Variants in ELP4 observed in about 807,000 individuals in gnomAD.
The protein encoded by ELP4 is elongator acetyltransferase complex subunit 4.
A neutral mutation model predicts 48.9 loss-of-function variants in ELP4; 51 were observed. The observed-to-expected ratio is 1.04, with a 90% CI of 0.83 to 1.32. ELP4 has a LOEUF of 1.32. Ranked by LOEUF, ELP4 falls within the 40% of genes most tolerant of loss-of-function variation. The pLI is 0.00. For synonymous variants in ELP4, 210 were observed against 189.2 expected, an observed-to-expected ratio of 1.11 and a Z score of -0.90; for missense variants, 519 against 514.6, an observed-to-expected ratio of 1.01 and a Z score of -0.08.
At chr11:31,556,620 A>G (rs1364980962) in intron 3 of ELP4, among the ~76,000 whole-genome samples, 2 of 151,902 alleles carry the variant, frequency 1.3e-5, no homozygotes, top group African/African-American at 2.4e-5. Context: ...TGCCAAAGTC[A>G]GTTTTAAAAC....
intron 9 of ELP4, among the ~76,000 whole-genome samples, chr11:31,765,617 A>G (rs561555741): frequency 6.6e-6 from 1 of 152,258 alleles, no homozygotes; most frequent in South Asian, 2.1e-4. Context: ...TAAAATTACA[A>G]CGAAAGAATT....
At chr11:31,573,492 G>A (rs1267584353) in intron 3 of ELP4, 1 of 152,104 alleles carries the variant, frequency 6.6e-6, no homozygotes, top group East Asian at 1.9e-4. Flanking sequence ...CAAGATCAAG[G>A]TTTCAACCAA....
chr11:31,529,997 C>T (rs981939948), intron 2 of ELP4, among the ~76,000 whole-genome samples: 1 of 152,194 alleles, frequency 6.6e-6, no homozygotes, highest in Non-Finnish European at 1.5e-5. Flanking sequence ...CAGGCAATTA[C>T]AGAAACTGAT....
rs71060493 is a variant in ELP4, at chr11:31,553,764, A to ACC, written c.381+13983_381+13984dup. ...CACACACACACACACACACACACAC[A>ACC]CCCTATTGGTTCAGTTTCTCTAGAG... On this transcript the variant is annotated intron_variant, in intron 3 of 9. Transcript: ENST00000640961. Among the ~76,000 whole-genome samples the ACC allele has an allele frequency of 1.5e-3, 207 of 142,046 alleles. 2 individuals are homozygous for ACC. Among genetic ancestry groups the ACC allele is most frequent in the African/African-American group, 4.9e-3 (191 of 38,944 alleles). The allele number at this position is 142,046 out of a possible 152,430, so 93.2% of individuals were successfully genotyped here. A position where few individuals can be genotyped will look rare whatever the true frequency, so the allele number is the denominator to read the frequency against.
In ELP4 at chr11:31,786,337, A is replaced by C. The variant is rs1347471824; in HGVS notation, c.*2813A>C. On this transcript the variant is annotated 3_prime_UTR_variant, in exon 10 of 10. Coordinates refer to ENST00000640961, the MANE Select transcript of ELP4 (RefSeq NM_019040.5). ...GACAGCATGTTACTGCTTTCCAAAG[A>C]TAGTCACCGTCAACATTATTGAAAT... is the stretch of plus-strand genomic sequence containing the variant. 1 of 210,660 alleles carries C rather than the reference A, an allele frequency of 4.7e-6. No individual in the cohort carries two copies. Among genetic ancestry groups the C allele is most frequent in the African/African-American group, 2.3e-5 (1 of 44,146 alleles). The allele number at this position is 210,660 out of a possible 1,614,324, so 13.0% of individuals were successfully genotyped here. A position where few individuals can be genotyped will look rare whatever the true frequency, so the allele number is the denominator to read the frequency against.
At position 31,509,904 on chromosome 11, in the gene ELP4, C is replaced by T. The variant is rs754697339; in HGVS notation, c.120C>T (p.Asn40=). 1.2e-6 allele frequency: 2 copies of T among 1,614,094 alleles called. No individual in the cohort carries two copies. The highest frequency in any genetic ancestry group is 2.7e-5 in the African/African-American group (2 of 75,064). The change falls in exon 1 of 10, where the codon AAC becomes AAT. Residue 40 remains asparagine (N), a synonymous_variant. Coordinates refer to ENST00000640961, the MANE Select transcript of ELP4 (RefSeq NM_019040.5). ...QRRGPRASVT[N]DSGPRLVSIA... Reference sequence around the variant, plus strand: ...GGGGTCCTAGAGCCAGCGTGACCAACGACAGCGGCCCTCGACTGGTGTCCA... The same window carrying T: ...GGGGTCCTAGAGCCAGCGTGACCAATGACAGCGGCCCTCGACTGGTGTCCA...
At chr11:31,746,154 C>T (rs1490296741) in intron 9 of ELP4, among the ~76,000 whole-genome samples, 6 of 152,152 alleles carry the variant, frequency 3.9e-5, no homozygotes, top group Non-Finnish European at 8.8e-5. Context: ...TCATCACTGG[C>T]CATCAGAGAA....
chr11:31,752,859 G>A (rs910293553), intron 9 of ELP4, among the ~76,000 whole-genome samples: 4 of 150,460 alleles, frequency 2.7e-5, no homozygotes, highest in Admixed American at 2.7e-4. Context: ...AAAAGAACTG[G>A]AAAGAACAAT....
intron 3 of ELP4, among the ~76,000 whole-genome samples, chr11:31,584,002 A>G (rs1405694222): frequency 6.6e-6 from 1 of 152,162 alleles, no homozygotes; most frequent in Non-Finnish European, 1.5e-5. Context: ...CTTCCAGACC[A>G]ATGGTTTCAT....
chr11:31,547,128 C>A (rs1425869335), intron 3 of ELP4, among the ~76,000 whole-genome samples: 1 of 152,096 alleles, frequency 6.6e-6, no homozygotes, highest in Non-Finnish European at 1.5e-5. Flanking sequence ...CAAGAAATAA[C>A]TAAAATCAGA....
chr11:31,671,751 C>A (rs1361885485), intron 9 of ELP4, among the ~76,000 whole-genome samples: 1 of 152,068 alleles, frequency 6.6e-6, no homozygotes, highest in African/African-American at 2.4e-5. Flanking sequence ...CATTGAGCTC[C>A]CTGGTGAGTA....
Position 31,603,884 on chromosome 11 carries a change from T to G in ELP4, c.630T>G (p.Ser210=). ...GATTTTTTCTTCCAGAGAAAATATCTTCAACTCTCAAAGTAGAACCCTGGT... is the reference window on the plus strand; with the variant it reads ...GATTTTTTCTTCCAGAGAAAATATCGTCAACTCTCAAAGTAGAACCCTGGT... ...WHGFFLPEKI[S]STLKVEPCSL... is the part of the protein sequence containing the mutation. The change falls in exon 5 of 10, where the codon TCT becomes TCG. Residue 210 remains serine, a synonymous_variant. Transcript: ENST00000640961. 1.2e-6 allele frequency: 2 copies of G among 1,611,730 alleles called. No homozygotes were observed. The highest frequency in any genetic ancestry group is 1.7e-5 in the Admixed American group (1 of 59,928).
At chr11:31,648,969 T>G (rs1945263990) in intron 8 of ELP4, 2 of 151,676 alleles carry the variant, frequency 1.3e-5, no homozygotes, top group South Asian at 4.1e-4. Context: ...AACGTACAAA[T>G]AAAAGTATGG....
At chr11:31,574,588 C>T (rs1173972974) in intron 3 of ELP4, among the ~76,000 whole-genome samples, 1 of 152,162 alleles carries the variant, frequency 6.6e-6, no homozygotes, top group Non-Finnish European at 1.5e-5. Flanking sequence ...GACGAAGGTT[C>T]CAGAGGAAGG....
chr11:31,776,277 G>C (rs916876692), intron 9 of ELP4, among the ~76,000 whole-genome samples: 1 of 152,216 alleles, frequency 6.6e-6, no homozygotes, highest in African/African-American at 2.4e-5. Context: ...TAGGGCAGGG[G>C]CTCTCTTGCC....
intron 5 of ELP4, among the ~76,000 whole-genome samples, chr11:31,616,703 A>G (rs935067354): frequency 3.9e-5 from 6 of 152,032 alleles, no homozygotes; most frequent in African/African-American, 1.4e-4. Context: ...AGAATAAAGA[A>G]CTCCTACGAC....
At chr11:31,688,890 C>G (rs1242480265) in intron 9 of ELP4, among the ~76,000 whole-genome samples, 2 of 152,050 alleles carry the variant, frequency 1.3e-5, no homozygotes, top group African/African-American at 4.8e-5. Context: ...AGGGGACTTC[C>G]TGTTTGCAGC....
rs182815552 is a variant in ELP4, at chr11:31,782,378, T to C, written c.1144-1015T>C. On this transcript the variant is annotated intron_variant, in intron 9 of 9. Coordinates refer to ENST00000640961, the MANE Select transcript of ELP4 (RefSeq NM_019040.5). ...GGGTTTCAGCTAGGTTGTCTCCAGG[T>C]CAGTTCTCCTCTAGAAGGCTGTGTG... is the stretch of plus-strand genomic sequence containing the variant. Among the ~76,000 whole-genome samples, 16 of 152,254 alleles carry C rather than the reference T, an allele frequency of 1.1e-4. No individual in the cohort carries two copies. The East Asian group carries it at 2.9e-3, about 28-fold the overall frequency.
At chr11:31,765,595 T>C (rs1432754535) in intron 9 of ELP4, among the ~76,000 whole-genome samples, 1 of 152,158 alleles carries the variant, frequency 6.6e-6, no homozygotes, top group Non-Finnish European at 1.5e-5. Context: ...GAGTTGTATT[T>C]GTAAAAATTT....
Sources: gnomAD v4.1 joint callset for allele counts (sites outside exome capture counted in the v4.1 genomes callset) on GRCh38, gnomAD v4.1.1 for gene constraint, MANE v1.5 for transcripts, NCBI Gene and HGNC (gene_info 2026-07-23, HGNC 2026-07-21) for gene names.